Variants in ELF4 observed in about 807,000 individuals in gnomAD.
The protein encoded by ELF4 is ETS-related transcription factor Elf-4.
A neutral mutation model predicts 31.7 loss-of-function variants in ELF4; 10 were observed. The ratio of observed to expected loss-of-function variants is 0.32; its 90% CI spans 0.19 to 0.54. ELF4 has a LOEUF of 0.54. ELF4 is among the 20% of genes least tolerant of loss of function. The probability of loss-of-function intolerance (pLI) is 0.95; values close to 1 mark genes in which losing one functional copy is unlikely to be tolerated. For missense variants in ELF4, 418 were observed against 522.0 expected (o/e 0.80, Z 1.94); for synonymous variants, 208 against 226.7 (o/e 0.92, Z 0.74).
rs1316466911 is a variant in ELF4, at chrX:130,064,169, T to A, written c.*2552A>T. Among the ~76,000 whole-genome samples the A allele has an allele frequency of 9.0e-6, 1 of 110,798 alleles. No homozygotes were observed. The highest frequency in any genetic ancestry group is 1.9e-5 in the Non-Finnish European group (1 of 52,922). On this transcript the variant is annotated 3_prime_UTR_variant, in exon 9 of 9. Coordinates refer to ENST00000308167, the MANE Select transcript of ELF4 (RefSeq NM_001421.4). ...AAATCCATTGTTGGCCAGCCGTGGT[T>A]GCTCACGCCTGTAATCCCAGCACTT...
intron 1 of ELF4, among the ~76,000 whole-genome samples, chrX:130,105,457 G>A (rs898113134): frequency 9.9e-5 from 11 of 111,354 alleles, no homozygotes; most frequent in African/African-American, 3.6e-4. Context: ...GGAGGAGGCA[G>A]GGCAGTGAGA....
chrX:130,100,698 A>G (rs1420709541), intron 1 of ELF4, among the ~76,000 whole-genome samples: 2 of 111,423 alleles, frequency 1.8e-5, no homozygotes, highest in Non-Finnish European at 3.8e-5. Flanking sequence ...AAATTCTACC[A>G]CAAGATTTAT....
rs1245925482 is a variant in ELF4 at position 130,110,417 on chromosome X, GC to G, written c.-303del. ...CCGGGGGCCGAGACGCGGGTCCCCA[GC>G]CCCGCCAGCCCGTCCTCTCCCCTCG... On this transcript the variant is annotated 5_prime_UTR_variant, in exon 1 of 9. Coordinates refer to ENST00000308167, the MANE Select transcript of ELF4 (RefSeq NM_001421.4). 2 of 111,266 alleles carry G rather than the reference GC, an allele frequency of 1.8e-5. No homozygotes were observed. Among genetic ancestry groups the G allele is most frequent in the Admixed American group, 1.9e-4 (2 of 10,790 alleles). 9.2% of individuals were successfully genotyped at this position (111,266 alleles called of 1,213,427 possible).
rs904733484 is a variant in ELF4, at chrX:130,066,034, G to A, written c.*687C>T. 2.3e-5 allele frequency: 4 copies of A among 172,821 alleles called. No homozygotes were observed. The highest frequency in any genetic ancestry group is 3.3e-5 in the Non-Finnish European group (3 of 90,728). 14.2% of individuals were successfully genotyped at this position (172,821 alleles called of 1,213,427 possible). On this transcript the variant is annotated 3_prime_UTR_variant, in exon 9 of 9. Coordinates refer to ENST00000308167, the MANE Select transcript of ELF4 (RefSeq NM_001421.4). ...CTCGGCCTTTGTGTCCCTGAGGAGC[G>A]CATCTTCCCCAATGTGCATGCGCAT...
chrX:130,105,564 C>G (rs948641746), intron 1 of ELF4, among the ~76,000 whole-genome samples: 1 of 111,628 alleles, frequency 9.0e-6, no homozygotes, highest in African/African-American at 3.3e-5. Context: ...CCATGTCCAG[C>G]CTTGGGAGAC....
In ELF4 at chrX:130,064,412, G is replaced by A. The variant is rs970091806; in HGVS notation, c.*2309C>T. On this transcript the variant is annotated 3_prime_UTR_variant, in exon 9 of 9. Coordinates refer to ENST00000308167, the MANE Select transcript of ELF4 (RefSeq NM_001421.4). ...GAGATTGCACCACTGCACTCCAGCC[G>A]ACAGAGCAAGACTCTGACTCAAAAA... 6.2e-5 allele frequency among the ~76,000 whole-genome samples: 7 copies of A among 112,022 alleles called. No homozygotes were observed. The highest frequency in any genetic ancestry group is 3.7e-4 in the South Asian group (1 of 2,714).
chrX:130,068,847 CCAA>C (rs1410212448), intron 8 of ELF4, among the ~76,000 whole-genome samples: 3 of 112,629 alleles, frequency 2.7e-5, no homozygotes, highest in African/African-American at 9.7e-5. Context: ...CCTCTCTTGA[CCAA>C]CAAGTGCCCT....
intron 7 of ELF4, among the ~76,000 whole-genome samples, chrX:130,070,355 G>A (rs990346964): frequency 1.9e-4 from 21 of 110,943 alleles, no homozygotes; most frequent in African/African-American, 6.2e-4. Context: ...GGCAGATCAC[G>A]AGGTCAGCAG....
In ELF4 at chrX:130,071,105, G is replaced by A. The variant is rs770898830; in HGVS notation, c.744C>T (p.Ser248=). The change falls in exon 7 of 9, where the codon TCC becomes TCT. Residue 248 remains serine (S), a synonymous_variant. Transcript: ENST00000308167. ...IFKLVDSKAV[S]KLWGKQKNKP... ...TGTTTTTCTGCTTCCCCCACAGCTT[G>A]GACACAGCTTTGGAGTCCACCAGTT... The A allele has an allele frequency of 1.7e-6, 2 of 1,211,715 alleles. No homozygotes were observed. The highest frequency in any genetic ancestry group is 5.9e-5 in the East Asian group (2 of 33,836).
intron 2 of ELF4, among the ~76,000 whole-genome samples, chrX:130,077,672 T>C: frequency 8.9e-6 from 1 of 112,508 alleles, no homozygotes; most frequent in Non-Finnish European, 1.9e-5. Context: ...TGCTGCTCAC[T>C]AGCATTGTGA....
chrX:130,093,134 G>A (rs915835087), intron 1 of ELF4, among the ~76,000 whole-genome samples: 1 of 110,495 alleles, frequency 9.1e-6, no homozygotes, highest in East Asian at 2.8e-4. Flanking sequence ...ACATGATGGC[G>A]TGGTGGCAGG....
At chrX:130,079,243 C>T (rs1328626482) in intron 2 of ELF4, among the ~76,000 whole-genome samples, 2 of 109,959 alleles carry the variant, frequency 1.8e-5, no homozygotes, top group Non-Finnish European at 3.8e-5. Context: ...GGATCACCTG[C>T]GGTCAGGAGT....
chrX:130,111,631 A>G (rs774402188), upstream of ELF4, among the ~76,000 whole-genome samples: 2 of 111,708 alleles, frequency 1.8e-5, no homozygotes, highest in East Asian at 5.7e-4. Context: ...CTGGCAAGAT[A>G]TGAGTCAGGG....
At chrX:130,078,089 C>T (rs1932850203) in intron 2 of ELF4, among the ~76,000 whole-genome samples, 1 of 99,256 alleles carries the variant, frequency 1.0e-5, no homozygotes, top group South Asian at 5.1e-4. Context: ...CTCTTGTTGC[C>T]CAGGGTGGAG....
chrX:130,110,004 G>C (rs1301970607), intron 1 of ELF4, among the ~76,000 whole-genome samples: 1 of 112,336 alleles, frequency 8.9e-6, no homozygotes, highest in Non-Finnish European at 1.9e-5. Flanking sequence ...CTCTGCCCTC[G>C]GGCGCCCAGC....
Position 130,081,292 on chromosome X carries a change from C to T in ELF4, c.39G>A (p.Glu13=), listed in dbSNP as rs930371738. ...ITLQPSDLIF[E]FASNGMDDDI... The stretch of plus-strand genomic sequence containing the variant: ...CATCATCCATCCCGTTGCTTGCGAA[C>T]TCAAAGATCAGGTCACTGGGCTGTA... The change falls in exon 2 of 9, where the codon GAG becomes GAA. Residue 13 remains glutamate (E), a synonymous_variant. Coordinates refer to ENST00000308167, the MANE Select transcript of ELF4 (RefSeq NM_001421.4). 6 of 1,212,356 alleles carry T rather than the reference C, an allele frequency of 4.9e-6. No individual in the cohort carries two copies. In the South Asian group the frequency reaches 8.8e-5, roughly 18 times the overall value.
intron 2 of ELF4, among the ~76,000 whole-genome samples, chrX:130,079,555 G>A (rs759394213): frequency 1.3e-4 from 14 of 111,621 alleles, no homozygotes; most frequent in African/African-American, 3.3e-5. Context: ...TAAGTACAGA[G>A]GTTGGGAGTC....
chrX:130,071,238 G>C lies in ELF4; in HGVS notation c.617-6C>G, dbSNP rs1197591110. 4 of 1,210,099 alleles carry C rather than the reference G, an allele frequency of 3.3e-6. No homozygotes were observed. In the African/African-American group the frequency reaches 5.2e-5, roughly 16 times the overall value. On this transcript the variant is annotated splice_region_variant and splice_polypyrimidine_tract_variant and intron_variant, in intron 6 of 8. Transcript: ENST00000308167. ...CCACAGATAGATGGTGCTGCCTGCAGAGGGGCAGGCCGTGAGGGGCAGCCT... is the reference window on the plus strand; with the variant it reads ...CCACAGATAGATGGTGCTGCCTGCACAGGGGCAGGCCGTGAGGGGCAGCCT...
chrX:130,074,041 A>G lies in ELF4; in HGVS notation c.340+8T>C. 8.3e-7 allele frequency: 1 copy of G among 1,210,961 alleles called. No homozygotes were observed. Among genetic ancestry groups the G allele is most frequent in the Non-Finnish European group, 1.1e-6 (1 of 894,606 alleles). On this transcript the variant is annotated splice_region_variant and intron_variant, in intron 4 of 8. Coordinates refer to ENST00000308167, the MANE Select transcript of ELF4 (RefSeq NM_001421.4). ...GCCTTGAGTTCAGGCACTGGGGTTC[A>G]AACTTACAGATCTGCTTCTCATCCA...
Sources: gnomAD v4.1 joint callset for allele counts (sites outside exome capture counted in the v4.1 genomes callset) on GRCh38, gnomAD v4.1.1 for gene constraint, MANE v1.5 for transcripts, NCBI Gene and HGNC (gene_info 2026-07-23, HGNC 2026-07-21) for gene names.